Variants in CNTNAP2 observed in about 807,000 individuals in gnomAD.
The protein encoded by CNTNAP2 is contactin-associated protein-like 2.
In CNTNAP2, 98 loss-of-function variants were observed where a neutral mutation model predicts 155.2. That is an observed-to-expected ratio of 0.63 (90% CI 0.54 to 0.75). CNTNAP2 has a LOEUF of 0.75. CNTNAP2 is among the 30% of genes least tolerant of loss of function. CNTNAP2 has a pLI of 0.00. For synonymous variants in CNTNAP2, 651 were observed against 631.2 expected, an observed-to-expected ratio of 1.03 and a Z score of -0.47; for missense variants, 1,727 against 1,688.1, an observed-to-expected ratio of 1.02 and a Z score of -0.40.
chr7:147,666,170 C>A (rs1226992228), intron 13 of CNTNAP2, among the ~76,000 whole-genome samples: 2 of 152,138 alleles, frequency 1.3e-5, no homozygotes, highest in African/African-American at 4.8e-5. Context: ...AAAAATCACC[C>A]GAAATATACT....
intron 4 of CNTNAP2, among the ~76,000 whole-genome samples, chr7:147,066,559 C>A (rs922520053): frequency 6.6e-6 from 1 of 152,112 alleles, no homozygotes; most frequent in Non-Finnish European, 1.5e-5. Flanking sequence ...TTTAAGTTTC[C>A]TAAAATTCTT....
At chr7:148,118,385 G>A in intron 16 of CNTNAP2, 97 bp downstream of exon 16, 1 of 1,351,410 alleles carries the variant, frequency 7.4e-7, no homozygotes. Context: ...TTCAAACGTG[G>A]AAGGTTTCCT....
rs539216838 is a variant in CNTNAP2 at position 146,552,508 on chromosome 7, A to G, written c.98-221763A>G. On this transcript the variant is annotated intron_variant, in intron 1 of 23. Coordinates refer to ENST00000361727, the MANE Select transcript of CNTNAP2 (RefSeq NM_014141.6). The stretch of plus-strand genomic sequence containing the variant: ...TTTTTCTCACCTGGATTATTACGGC[A>G]CACCTTTAAATTCCTGTTTTTGCTC... Among the ~76,000 whole-genome samples the G allele has an allele frequency of 7.9e-5, 12 of 152,246 alleles. No individual in the cohort carries two copies. In the South Asian group the frequency reaches 1.2e-3, roughly 16 times the overall value.
intron 1 of CNTNAP2, among the ~76,000 whole-genome samples, chr7:146,724,661 C>T (rs1024674016): frequency 2.0e-5 from 3 of 149,266 alleles, no homozygotes; most frequent in Non-Finnish European, 4.4e-5. Context: ...ACCTCCGACT[C>T]CGTGGTTCAA....
chr7:147,006,401 A>C (rs1330680973), intron 3 of CNTNAP2, among the ~76,000 whole-genome samples: 1 of 152,022 alleles, frequency 6.6e-6, no homozygotes, highest in Non-Finnish European at 1.5e-5. Flanking sequence ...TATACATGTA[A>C]ATTTATTTTA....
intron 12 of CNTNAP2, among the ~76,000 whole-genome samples, chr7:147,607,534 G>GA (rs1254670930): frequency 6.6e-6 from 1 of 152,102 alleles, no homozygotes; most frequent in Admixed American, 6.5e-5. Context: ...CCCGTCAAGG[G>GA]AAAGTCACAT....
chr7:146,496,659 C>G (rs951539416), intron 1 of CNTNAP2, among the ~76,000 whole-genome samples: 1 of 152,158 alleles, frequency 6.6e-6, no homozygotes, highest in African/African-American at 2.4e-5. Context: ...CCCCTAAAAG[C>G]CTTCTTTTTT....
chr7:146,471,085 TCA>T (rs1796791262), intron 1 of CNTNAP2, among the ~76,000 whole-genome samples: 1 of 152,180 alleles, frequency 6.6e-6, no homozygotes, highest in South Asian at 2.1e-4. Context: ...GGAATAAGAA[TCA>T]CATATTATTC....
At chr7:148,364,138 C>A (rs1798683911) in intron 21 of CNTNAP2, among the ~76,000 whole-genome samples, 1 of 152,214 alleles carries the variant, frequency 6.6e-6, no homozygotes, top group Admixed American at 6.5e-5. Flanking sequence ...CGACGAGCGC[C>A]ACCCCCTGCT....
At chr7:146,218,706 A>G (rs936236995) in intron 1 of CNTNAP2, among the ~76,000 whole-genome samples, 7 of 152,152 alleles carry the variant, frequency 4.6e-5, no homozygotes, top group Non-Finnish European at 1.0e-4. Context: ...AAATGTGGCT[A>G]ATTCAACTAA....
At chr7:147,768,231 T>C (rs1003771895) in intron 13 of CNTNAP2, among the ~76,000 whole-genome samples, 11 of 152,136 alleles carry the variant, frequency 7.2e-5, no homozygotes, top group African/African-American at 2.4e-4. Flanking sequence ...AAAACATATC[T>C]ATAGAGGCTA....
In CNTNAP2 at chr7:148,273,994, GT is replaced by G. The variant is rs548991653; in HGVS notation, c.3475+6870del. Among the ~76,000 whole-genome samples, 85 of 152,232 alleles carry G rather than the reference GT, an allele frequency of 5.6e-4. 1 individual carries two copies. Among genetic ancestry groups the G allele is most frequent in the South Asian group, 2.5e-3 (12 of 4,812 alleles). On this transcript the variant is annotated intron_variant, in intron 21 of 23. Coordinates refer to ENST00000361727, the MANE Select transcript of CNTNAP2 (RefSeq NM_014141.6). ...AACTGACATACTTAGATCTTCATTT[GT>G]TGGTGAAATCATATACTGTGATAAC...
At chr7:146,481,402 T>C (rs1796958582) in intron 1 of CNTNAP2, among the ~76,000 whole-genome samples, 1 of 152,236 alleles carries the variant, frequency 6.6e-6, no homozygotes, top group Non-Finnish European at 1.5e-5. Flanking sequence ...CTATGTGACC[T>C]TTTGCAAGTT....
intron 1 of CNTNAP2, among the ~76,000 whole-genome samples, chr7:146,413,900 C>T (rs778065742): frequency 3.3e-5 from 5 of 152,120 alleles, no homozygotes; most frequent in Non-Finnish European, 7.4e-5. Flanking sequence ...TGTTCATCCA[C>T]TCCTCTCAGC....
intron 9 of CNTNAP2, among the ~76,000 whole-genome samples, chr7:147,365,036 G>A (rs1172959463): frequency 6.6e-6 from 1 of 152,086 alleles, no homozygotes; most frequent in Non-Finnish European, 1.5e-5. Context: ...GACTATGTAA[G>A]CTAGTGTGAA....
At chr7:146,293,307 A>G (rs1304933151) in intron 1 of CNTNAP2, among the ~76,000 whole-genome samples, 1 of 152,066 alleles carries the variant, frequency 6.6e-6, no homozygotes, top group Non-Finnish European at 1.5e-5. Context: ...TCTGTTGGAC[A>G]TTTTTTCTGA....
At chr7:147,213,426 G>T (rs1204837464) in intron 8 of CNTNAP2, among the ~76,000 whole-genome samples, 1 of 151,964 alleles carries the variant, frequency 6.6e-6, no homozygotes, top group Non-Finnish European at 1.5e-5. Context: ...GCATCTCTTA[G>T]CCCAGTTGAG....
At chr7:146,642,979 G>A (rs1196715056) in intron 1 of CNTNAP2, among the ~76,000 whole-genome samples, 5 of 146,160 alleles carry the variant, frequency 3.4e-5, no homozygotes, top group South Asian at 2.2e-4. Context: ...GTCTGTTCAT[G>A]TCCTTTGCCC....
chr7:148,086,525 A>T (rs954529586), intron 15 of CNTNAP2, among the ~76,000 whole-genome samples: 2 of 152,224 alleles, frequency 1.3e-5, no homozygotes, highest in Non-Finnish European at 2.9e-5. Context: ...CTCTCACAAA[A>T]TTGTTGTAAA....
Sources: gnomAD v4.1 joint callset for allele counts (sites outside exome capture counted in the v4.1 genomes callset) on GRCh38, gnomAD v4.1.1 for gene constraint, MANE v1.5 for transcripts, NCBI Gene and HGNC (gene_info 2026-07-23, HGNC 2026-07-21) for gene names.